The following NELL2 variants were observed in gnomAD, a reference collection of about 807,000 sequenced individuals.
The protein encoded by NELL2 is protein kinase C-binding protein NELL2.
NELL2 carries 41 observed loss-of-function variants against 109.6 expected under a neutral mutation model. The ratio of observed to expected loss-of-function variants is 0.37; its 90% CI spans 0.29 to 0.49. The LOEUF (loss-of-function observed/expected upper bound fraction) is 0.49. Ranked by LOEUF, NELL2 falls within the 20% of genes least tolerant of loss-of-function variation. NELL2 has a pLI of 0.98. For synonymous variants in NELL2, 355 were observed against 344.7 expected (o/e 1.03, Z -0.33); for missense variants, 900 against 1,008.3 (o/e 0.89, Z 1.45).
chr12:44,808,668 TAAAC>T (rs1251097712), intron 3 of NELL2, among the ~76,000 whole-genome samples: 1 of 152,006 alleles, frequency 6.6e-6, no homozygotes, highest in Non-Finnish European at 1.5e-5. Context: ...TCTTCCATAA[TAAAC>T]AAAGTCATTT....
At chr12:44,815,660 C>A (rs995149546) in intron 3 of NELL2, among the ~76,000 whole-genome samples, 1 of 152,150 alleles carries the variant, frequency 6.6e-6, no homozygotes, top group Non-Finnish European at 1.5e-5. Flanking sequence ...GCTCTGTTAC[C>A]CAGGCTGGAG....
intron 13 of NELL2, among the ~76,000 whole-genome samples, chr12:44,648,937 T>TGTGTGTGTGTGTGC (rs1947202730): frequency 6.7e-6 from 1 of 149,398 alleles, no homozygotes; most frequent in Non-Finnish European, 1.5e-5. Flanking sequence ...TGTGTGTGTG[T>TGTGTGTGTGTGTGC]GTGTGTTTAG....
chr12:44,618,304 G>T (rs1945913046), intron 13 of NELL2, among the ~76,000 whole-genome samples: 1 of 152,150 alleles, frequency 6.6e-6, no homozygotes, highest in East Asian at 1.9e-4. Flanking sequence ...TCTTCAGTTT[G>T]CTTGGCAACT....
intron 15 of NELL2, among the ~76,000 whole-genome samples, chr12:44,582,389 T>C (rs1316023264): frequency 1.3e-5 from 2 of 152,016 alleles, no homozygotes; most frequent in East Asian, 3.9e-4. Context: ...GGCAATATGA[T>C]ATTTGGAGAA....
At chr12:44,860,936 C>A (rs957254598) in intron 2 of NELL2, among the ~76,000 whole-genome samples, 13 of 152,270 alleles carry the variant, frequency 8.5e-5, no homozygotes, top group African/African-American at 2.6e-4. Context: ...TTCAAAATCT[C>A]ATCTAAATCT....
intron 1 of NELL2, among the ~76,000 whole-genome samples, chr12:44,886,494 A>G (rs1020816506): frequency 1.3e-5 from 2 of 151,344 alleles, no homozygotes; most frequent in African/African-American, 4.9e-5. Context: ...ATTAAAAAAG[A>G]TAGGCAAAAT....
At chr12:44,690,672 T>G (rs1274982286) in intron 12 of NELL2, among the ~76,000 whole-genome samples, 3 of 152,200 alleles carry the variant, frequency 2.0e-5, no homozygotes. Context: ...ATGTCACCTC[T>G]GCTAGTAAGT....
At chr12:44,671,294 C>T (rs1040704694) in intron 12 of NELL2, among the ~76,000 whole-genome samples, 4 of 152,004 alleles carry the variant, frequency 2.6e-5, no homozygotes, top group Non-Finnish European at 4.4e-5. Context: ...GTAAAAACAG[C>T]GCTAAGAGGG....
At chr12:44,711,194 G>T in intron 11 of NELL2, 98 bp downstream of exon 11, 1 of 847,644 alleles carries the variant, frequency 1.2e-6, no homozygotes, top group Non-Finnish European at 1.9e-6. Flanking sequence ...TTAGTCTATG[G>T]AAATAATTTG....
chr12:44,696,589 T>C (rs1255596492), intron 12 of NELL2, among the ~76,000 whole-genome samples: 2 of 152,250 alleles, frequency 1.3e-5, no homozygotes, highest in African/African-American at 4.8e-5. Flanking sequence ...TTCAGAATAA[T>C]TTTTAAAGCC....
In NELL2 at chr12:44,529,991, A is replaced by C. The variant is rs114153192; in HGVS notation, c.1804+2590T>G. Among the ~76,000 whole-genome samples, 1,341 of 152,314 alleles carry C rather than the reference A, an allele frequency of 8.8e-3. 12 individuals carry two copies. Among genetic ancestry groups the C allele is most frequent in the African/African-American group, 0.031 (1,268 of 41,570 alleles). ...CACTCCTGACTCTTTGAACACTGAT[A>C]GGAATGATGCAGTTGAAAAAGACTT... is the stretch of plus-strand genomic sequence containing the variant. On this transcript the variant is annotated intron_variant, in intron 16 of 19. Coordinates refer to ENST00000429094, the MANE Select transcript of NELL2 (RefSeq NM_001145108.2).
chr12:44,776,892 C>T, intron 7 of NELL2, 150 bp downstream of exon 7: 1 of 656,756 alleles, frequency 1.5e-6, no homozygotes, highest in Non-Finnish European at 2.6e-6. Flanking sequence ...TATTTATAAG[C>T]CTTTCCTTAA....
At chr12:44,689,719 T>C (rs1464729590) in intron 12 of NELL2, among the ~76,000 whole-genome samples, 1 of 152,236 alleles carries the variant, frequency 6.6e-6, no homozygotes, top group Non-Finnish European at 1.5e-5. Flanking sequence ...AATTTGGCAA[T>C]GTCTACAAAC....
chr12:44,777,065 T>C lies in NELL2; in HGVS notation c.739A>G (p.Ile247Val). ...LVQKIMELQDILAKTSAKLSR... is the reference protein window; with the variant it reads ...LVQKIMELQDVLAKTSAKLSR... ...ACCTTGGCTGATGTTTTGGCTAAAA[T>C]ATCCTGTAGCTCCATGATTTTCTGC... The change falls in exon 7 of 20, where the codon ATT becomes GTT. Residue 247 changes from isoleucine to valine, a missense_variant. Physicochemically the swap from Ile to Val is conservative, Grantham distance 29. Coordinates refer to ENST00000429094, the MANE Select transcript of NELL2 (RefSeq NM_001145108.2). 6.2e-7 allele frequency: 1 copy of C among 1,614,050 alleles called. No individual in the cohort carries two copies. Among genetic ancestry groups the C allele is most frequent in the Non-Finnish European group, 8.5e-7 (1 of 1,179,930 alleles).
chr12:44,656,361 C>T (rs772796878), intron 13 of NELL2, among the ~76,000 whole-genome samples: 1 of 152,092 alleles, frequency 6.6e-6, no homozygotes, highest in Non-Finnish European at 1.5e-5. Flanking sequence ...GAAGTACAGT[C>T]GAATAAACAA....
At chr12:44,673,236 A>G (rs1330332529) in intron 12 of NELL2, among the ~76,000 whole-genome samples, 1 of 152,234 alleles carries the variant, frequency 6.6e-6, no homozygotes. Context: ...TTACATGTAC[A>G]GATATTTACA....
chr12:44,534,213 T>TA (rs772758714), intron 15 of NELL2, among the ~76,000 whole-genome samples: 18 of 151,690 alleles, frequency 1.2e-4, no homozygotes, highest in East Asian at 3.9e-4. Context: ...TATACATAAG[T>TA]AAAAAAAAAT....
intron 15 of NELL2, among the ~76,000 whole-genome samples, chr12:44,563,435 G>T (rs1943546751): frequency 1.3e-5 from 2 of 151,970 alleles, no homozygotes; most frequent in South Asian, 4.1e-4. Context: ...TTGAAGCTCT[G>T]CTTTAAAAGT....
At chr12:44,584,834 G>A (rs1944439179) in intron 15 of NELL2, among the ~76,000 whole-genome samples, 1 of 152,104 alleles carries the variant, frequency 6.6e-6, no homozygotes, top group East Asian at 1.9e-4. Flanking sequence ...TTAGCTCTCT[G>A]GTAAATTTCC....
Sources: allele counts gnomAD v4.1 joint callset (sites outside exome capture counted in the v4.1 genomes callset), GRCh38; gene constraint gnomAD v4.1.1; transcripts MANE v1.5; gene names NCBI Gene and HGNC (gene_info 2026-07-23, HGNC 2026-07-21).